Variants in DLG2 observed in about 807,000 individuals in gnomAD.
DLG2 encodes disks large homolog 2.
A neutral mutation model predicts 132.5 loss-of-function variants in DLG2; 45 were observed. The observed-to-expected ratio is 0.34, with a 90% CI of 0.27 to 0.44. The LOEUF is 0.44. Ranked by LOEUF, DLG2 falls within the 20% of genes least tolerant of loss-of-function variation. The pLI is 1.00. For synonymous variants in DLG2, 424 were observed against 419.6 expected (o/e 1.01, Z -0.13); for missense variants, 1,045 against 1,196.9 (o/e 0.87, Z 1.87).
intron 3 of DLG2, among the ~76,000 whole-genome samples, chr11:85,474,918 A>G (rs1224770435): frequency 6.6e-6 from 1 of 151,692 alleles, no homozygotes; most frequent in African/African-American, 2.4e-5. Context: ...AAAATTGTCA[A>G]AATGAACAAG....
chr11:83,707,966 G>C (rs931327640), intron 18 of DLG2, among the ~76,000 whole-genome samples: 3 of 152,154 alleles, frequency 2.0e-5, no homozygotes, highest in Non-Finnish European at 4.4e-5. Context: ...ATATGATCTT[G>C]AGTGAACTAT....
intron 6 of DLG2, among the ~76,000 whole-genome samples, chr11:84,615,834 A>C (rs1224844003): frequency 1.4e-5 from 2 of 147,344 alleles, no homozygotes; most frequent in South Asian, 2.2e-4. Flanking sequence ...AAAAAAAAAA[A>C]AAAAAACTTC....
At chr11:84,634,373 T>A (rs1207490716) in intron 6 of DLG2, among the ~76,000 whole-genome samples, 1 of 152,310 alleles carries the variant, frequency 6.6e-6, no homozygotes, top group Admixed American at 6.5e-5. Context: ...CTTATTTAAG[T>A]TCATGCTAAA....
intron 3 of DLG2, among the ~76,000 whole-genome samples, chr11:85,535,026 T>G (rs1385047915): frequency 6.6e-6 from 1 of 152,198 alleles, no homozygotes; most frequent in Non-Finnish European, 1.5e-5. Flanking sequence ...TTTAATATAG[T>G]CATTCTGACT....
intron 3 of DLG2, among the ~76,000 whole-genome samples, chr11:85,548,991 A>G (rs1194808275): frequency 6.6e-6 from 1 of 151,770 alleles, no homozygotes; most frequent in Non-Finnish European, 1.5e-5. Flanking sequence ...TTTCCAGAGG[A>G]GTGAACTGTT....
At chr11:85,450,375 G>A (rs1353007224) in intron 3 of DLG2, among the ~76,000 whole-genome samples, 1 of 151,902 alleles carries the variant, frequency 6.6e-6, no homozygotes, top group Non-Finnish European at 1.5e-5. Context: ...CTTCACATCT[G>A]TGTATATACT....
chr11:85,550,133 G>A (rs1031243366), intron 3 of DLG2, among the ~76,000 whole-genome samples: 8 of 152,098 alleles, frequency 5.3e-5, no homozygotes, highest in South Asian at 4.1e-4. Context: ...TAATCAATTC[G>A]TTCATGTAAC....
intron 6 of DLG2, among the ~76,000 whole-genome samples, chr11:84,715,980 C>T (rs1415503685): frequency 6.6e-6 from 1 of 152,014 alleles, no homozygotes; most frequent in African/African-American, 2.4e-5. Flanking sequence ...CATTTAGAAA[C>T]CTTCACACTG....
intron 6 of DLG2, among the ~76,000 whole-genome samples, chr11:84,735,453 A>T (rs1015257225): frequency 6.6e-6 from 1 of 152,086 alleles, no homozygotes; most frequent in African/African-American, 2.4e-5. Flanking sequence ...CTCTGATGGT[A>T]GTTTGTATTT....
intron 6 of DLG2, among the ~76,000 whole-genome samples, chr11:84,793,430 G>T (rs1022854362): frequency 6.6e-6 from 1 of 152,196 alleles, no homozygotes; most frequent in East Asian, 1.9e-4. Flanking sequence ...GTCCTAAAGT[G>T]CAGGTTAAGT....
chr11:84,717,607 C>T (rs1214298359), intron 6 of DLG2, among the ~76,000 whole-genome samples: 1 of 151,786 alleles, frequency 6.6e-6, no homozygotes, highest in African/African-American at 2.4e-5. Flanking sequence ...TAAATGGTTC[C>T]TATATTTTAC....
At chr11:85,405,796 A>G (rs1258491827) in intron 3 of DLG2, among the ~76,000 whole-genome samples, 1 of 152,022 alleles carries the variant, frequency 6.6e-6, no homozygotes, top group Non-Finnish European at 1.5e-5. Flanking sequence ...CATGGTAACT[A>G]TAAAGAGAGG....
intron 21 of DLG2, among the ~76,000 whole-genome samples, chr11:83,517,654 A>C (rs1207402183): frequency 2.0e-5 from 3 of 152,090 alleles, no homozygotes; most frequent in Non-Finnish European, 1.5e-5. Context: ...TTGTGGTTTT[A>C]TCTACCTTTG....
intron 3 of DLG2, among the ~76,000 whole-genome samples, chr11:85,542,672 T>C (rs1411001749): frequency 2.6e-5 from 4 of 152,238 alleles, no homozygotes; most frequent in African/African-American, 9.6e-5. Context: ...TTAAATTCTA[T>C]TATTCTATGA....
chr11:85,077,712 T>G (rs1048488914), intron 6 of DLG2, among the ~76,000 whole-genome samples: 1 of 152,066 alleles, frequency 6.6e-6, no homozygotes, highest in African/African-American at 2.4e-5. Flanking sequence ...ACTATTTTTA[T>G]CTCTGTGTGG....
chr11:83,997,076 C>T (rs1253421599), intron 11 of DLG2, among the ~76,000 whole-genome samples: 2 of 150,670 alleles, frequency 1.3e-5, no homozygotes, highest in East Asian at 2.0e-4. Flanking sequence ...ATCTCATGTA[C>T]CCCGTAAATA....
intron 6 of DLG2, among the ~76,000 whole-genome samples, chr11:84,645,481 T>A (rs965419134): frequency 1.3e-5 from 2 of 152,134 alleles, no homozygotes; most frequent in South Asian, 2.1e-4. Flanking sequence ...ATTTATTTAT[T>A]TTTTGAGACA....
chr11:84,397,747 C>A lies in DLG2; in HGVS notation c.519+136823G>T, dbSNP rs117147913. Among the ~76,000 whole-genome samples, 1,236 of 152,310 alleles carry A rather than the reference C, an allele frequency of 8.1e-3. 2 individuals are homozygous for A. Among genetic ancestry groups the A allele is most frequent in the Non-Finnish European group, 0.012 (847 of 68,024 alleles). On this transcript the variant is annotated intron_variant, in intron 7 of 27. Coordinates refer to ENST00000376104, the MANE Select transcript of DLG2 (RefSeq NM_001142699.3). ...ACCACAGTTAGCTTGCATCACCTCA[C>A]ATACTGCTTTTTAACCATGAGAAAG...
At chr11:85,536,461 G>A (rs2075590992) in intron 3 of DLG2, among the ~76,000 whole-genome samples, 2 of 152,164 alleles carry the variant, frequency 1.3e-5, no homozygotes, top group African/African-American at 4.8e-5. Flanking sequence ...AGGTGACAAC[G>A]TGCTAGCAGC....
Sources: gnomAD v4.1 joint callset for allele counts (sites outside exome capture counted in the v4.1 genomes callset) on GRCh38, gnomAD v4.1.1 for gene constraint, MANE v1.5 for transcripts, NCBI Gene and HGNC (gene_info 2026-07-23, HGNC 2026-07-21) for gene names.